Variants in KCNIP4 observed in about 807,000 individuals in gnomAD.
KCNIP4 encodes potassium voltage-gated channel interacting protein 4.
KCNIP4 carries 12 observed loss-of-function variants against 34.0 expected under a neutral mutation model. The observed-to-expected ratio is 0.35, with a 90% CI of 0.23 to 0.57. KCNIP4 has a LOEUF of 0.57. Ranked by LOEUF, KCNIP4 falls within the 20% of genes least tolerant of loss-of-function variation. The pLI, the probability that KCNIP4 is intolerant of heterozygous loss-of-function variation, is 0.83. For synonymous variants in KCNIP4, 124 were observed against 102.2 expected (o/e 1.21, Z -1.29); for missense variants, 238 against 311.7 (o/e 0.76, Z 1.78).
intron 1 of KCNIP4, among the ~76,000 whole-genome samples, chr4:21,713,742 C>T (rs935339268): frequency 2.6e-5 from 4 of 152,170 alleles, no homozygotes; most frequent in African/African-American, 9.7e-5. Flanking sequence ...ACCAGCCTCT[C>T]TTCCTACATG....
chr4:21,554,386 G>A (rs1214642324), intron 1 of KCNIP4, among the ~76,000 whole-genome samples: 1 of 151,956 alleles, frequency 6.6e-6, no homozygotes, highest in Non-Finnish European at 1.5e-5. Flanking sequence ...GCCAAGACTG[G>A]GCTAAGAACA....
intron 1 of KCNIP4, among the ~76,000 whole-genome samples, chr4:21,649,762 CTTGGTGAA>C (rs1654466914): frequency 6.6e-6 from 1 of 152,160 alleles, no homozygotes; most frequent in African/African-American, 2.4e-5. Flanking sequence ...TCCAAATGCA[CTTGGTGAA>C]TTTTTTTATA....
At chr4:21,496,673 C>T (rs569831696) in intron 1 of KCNIP4, among the ~76,000 whole-genome samples, 1 of 152,292 alleles carries the variant, frequency 6.6e-6, no homozygotes, top group African/African-American at 2.4e-5. Context: ...AGTCCATGGC[C>T]TGTTAGGAAC....
At chr4:21,853,678 A>G (rs1386838625) in intron 1 of KCNIP4, among the ~76,000 whole-genome samples, 2 of 152,208 alleles carry the variant, frequency 1.3e-5, no homozygotes, top group Non-Finnish European at 2.9e-5. Flanking sequence ...GAATCTGACC[A>G]GAATCAAGAA....
intron 3 of KCNIP4, among the ~76,000 whole-genome samples, chr4:20,795,865 T>G (rs1713383233): frequency 6.6e-6 from 1 of 152,192 alleles, no homozygotes; most frequent in Non-Finnish European, 1.5e-5. Flanking sequence ...TTTTTATTTT[T>G]CATAAGATGG....
At chr4:21,207,148 A>G (rs1756908850) in intron 1 of KCNIP4, among the ~76,000 whole-genome samples, 1 of 151,938 alleles carries the variant, frequency 6.6e-6, no homozygotes, top group Non-Finnish European at 1.5e-5. Flanking sequence ...AAAGAAGAGA[A>G]TTCTCTGTGT....
chr4:21,682,809 A>AAC (rs1407592513), intron 1 of KCNIP4, among the ~76,000 whole-genome samples: 2 of 152,210 alleles, frequency 1.3e-5, no homozygotes, highest in African/African-American at 4.8e-5. Flanking sequence ...TAGCAGTCAG[A>AAC]ACACACACAA....
At chr4:21,277,071 T>C (rs1193561875) in intron 1 of KCNIP4, among the ~76,000 whole-genome samples, 4 of 152,154 alleles carry the variant, frequency 2.6e-5, no homozygotes, top group Non-Finnish European at 5.9e-5. Flanking sequence ...AATATACATA[T>C]AGTTAAGCAA....
intron 1 of KCNIP4, among the ~76,000 whole-genome samples, chr4:21,564,988 G>A (rs764314273): frequency 6.6e-5 from 10 of 152,136 alleles, no homozygotes; most frequent in Non-Finnish European, 1.5e-4. Flanking sequence ...TTCTAACAGT[G>A]AGGATCAAAT....
chr4:21,614,488 G>A (rs1300823975), intron 1 of KCNIP4, among the ~76,000 whole-genome samples: 1 of 147,558 alleles, frequency 6.8e-6, no homozygotes, highest in Non-Finnish European at 1.5e-5. Flanking sequence ...ATATATATAA[G>A]TATTTATATA....
chr4:21,843,345 A>G (rs974996010), intron 1 of KCNIP4: 1 of 152,056 alleles, frequency 6.6e-6, no homozygotes, highest in African/African-American at 2.4e-5. Context: ...CATTTTGCAG[A>G]TGAGGAAACC....
chr4:21,030,702 A>G (rs1740950857), intron 1 of KCNIP4, among the ~76,000 whole-genome samples: 3 of 152,178 alleles, frequency 2.0e-5, no homozygotes, highest in Admixed American at 2.0e-4. Flanking sequence ...TATAACTTAT[A>G]ACACTAATAA....
chr4:21,636,031 T>C (rs1488021265), intron 1 of KCNIP4, among the ~76,000 whole-genome samples: 1 of 150,220 alleles, frequency 6.7e-6, no homozygotes, highest in Non-Finnish European at 1.5e-5. Flanking sequence ...CAGTAAACTA[T>C]CACAAGAACA....
At chr4:21,554,464 G>C (rs868853275) in intron 1 of KCNIP4, among the ~76,000 whole-genome samples, 1 of 152,154 alleles carries the variant, frequency 6.6e-6, no homozygotes, top group Admixed American at 6.6e-5. Context: ...TGGAGCTAAA[G>C]ATTTAAGTGG....
At chr4:20,783,300 T>C (rs1310931684) in intron 3 of KCNIP4, among the ~76,000 whole-genome samples, 1 of 152,202 alleles carries the variant, frequency 6.6e-6, no homozygotes, top group Non-Finnish European at 1.5e-5. Flanking sequence ...CATTTTCAGG[T>C]ATCTTTTCAG....
intron 1 of KCNIP4, among the ~76,000 whole-genome samples, chr4:21,166,990 A>G (rs1320230806): frequency 6.6e-6 from 1 of 151,440 alleles, no homozygotes; most frequent in Non-Finnish European, 1.5e-5. Flanking sequence ...ATGGATGGAT[A>G]AGCAAACTGT....
At chr4:21,889,290 T>G (rs1726955170) in intron 1 of KCNIP4, among the ~76,000 whole-genome samples, 1 of 152,128 alleles carries the variant, frequency 6.6e-6, no homozygotes, top group Admixed American at 6.6e-5. Context: ...AATGTGTATA[T>G]AAATCATAAA....
chr4:20,870,107 T>C (rs1393090333), intron 2 of KCNIP4, among the ~76,000 whole-genome samples: 1 of 152,070 alleles, frequency 6.6e-6, no homozygotes, highest in Non-Finnish European at 1.5e-5. Flanking sequence ...TACAGAGAAG[T>C]TGAATAAACT....
intron 1 of KCNIP4, among the ~76,000 whole-genome samples, chr4:21,067,562 A>G (rs532764513): frequency 4.6e-5 from 7 of 152,288 alleles, no homozygotes; most frequent in African/African-American, 1.4e-4. Context: ...GAAAGAACTC[A>G]TCACACTAAA....
Sources: allele counts gnomAD v4.1 joint callset (sites outside exome capture counted in the v4.1 genomes callset), GRCh38; gene constraint gnomAD v4.1.1; transcripts MANE v1.5; gene names NCBI Gene and HGNC (gene_info 2026-07-23, HGNC 2026-07-21).